The following GRM7 variants were observed in gnomAD, a reference collection of about 807,000 sequenced individuals.
GRM7 encodes metabotropic glutamate receptor 7.
A neutral mutation model predicts 84.5 loss-of-function variants in GRM7; 35 were observed. That is an observed-to-expected ratio of 0.41 (90% CI 0.32 to 0.55). The LOEUF is 0.55. Ranked by LOEUF, GRM7 falls within the 20% of genes least tolerant of loss-of-function variation. GRM7 has a pLI of 0.19. For missense variants in GRM7, 1,003 were observed against 1,194.6 expected, an observed-to-expected ratio of 0.84 and a Z score of 2.36; for synonymous variants, 487 against 455.1, an observed-to-expected ratio of 1.07 and a Z score of -0.89.
chr3:7,034,387 G>T (rs1454119038), intron 1 of GRM7, among the ~76,000 whole-genome samples: 3 of 151,744 alleles, frequency 2.0e-5, no homozygotes, highest in Non-Finnish European at 4.4e-5. Context: ...TGTAATACCT[G>T]GGCTACAGAT....
chr3:7,684,129 A>G (rs1700486372), intron 9 of GRM7, among the ~76,000 whole-genome samples: 1 of 152,268 alleles, frequency 6.6e-6, no homozygotes, highest in Admixed American at 6.5e-5. Flanking sequence ...ATTAATAAAA[A>G]CAGATATGAC....
At chr3:7,095,964 G>T (rs967278358) in intron 1 of GRM7, among the ~76,000 whole-genome samples, 1 of 152,188 alleles carries the variant, frequency 6.6e-6, no homozygotes, top group Non-Finnish European at 1.5e-5. Flanking sequence ...TATACATTGT[G>T]TGTATAGATA....
intron 1 of GRM7, among the ~76,000 whole-genome samples, chr3:6,919,076 A>C (rs1697033277): frequency 6.6e-6 from 1 of 152,260 alleles, no homozygotes; most frequent in African/African-American, 2.4e-5. Context: ...CACATCAGGC[A>C]GATCTTACTT....
At chr3:6,889,153 G>A (rs1574973359) in intron 1 of GRM7, among the ~76,000 whole-genome samples, 1 of 152,108 alleles carries the variant, frequency 6.6e-6, no homozygotes, top group Admixed American at 6.6e-5. Flanking sequence ...GGGTTTTCTA[G>A]ATATACAATC....
Position 7,568,214 on chromosome 3 carries a change from T to C in GRM7, c.1516-10208T>C, listed in dbSNP as rs572454176. Among the ~76,000 whole-genome samples the C allele has an allele frequency of 3.3e-5, 5 of 151,942 alleles. No homozygotes were observed. The South Asian group carries it at 1.0e-3, about 31-fold the overall frequency. On this transcript the variant is annotated intron_variant, in intron 7 of 9. Transcript: ENST00000357716. Reference sequence around the variant, plus strand: ...GCCTGGCAGGCCCCAGAAGGGTCCTTGTGTACTCTCAATAGTGCATCACAA... The same window carrying C: ...GCCTGGCAGGCCCCAGAAGGGTCCTCGTGTACTCTCAATAGTGCATCACAA...
intron 1 of GRM7, among the ~76,000 whole-genome samples, chr3:6,892,025 C>T (rs758517814): frequency 2.6e-5 from 4 of 152,140 alleles, no homozygotes; most frequent in South Asian, 2.1e-4. Flanking sequence ...TTGGTTGCAT[C>T]GGCTCCTGAG....
At chr3:6,929,496 T>C (rs1028624443) in intron 1 of GRM7, among the ~76,000 whole-genome samples, 1 of 152,234 alleles carries the variant, frequency 6.6e-6, no homozygotes, top group Admixed American at 6.5e-5. Flanking sequence ...GACTGCCTGC[T>C]GTATATCACA....
At chr3:6,979,082 C>G (rs1049580832) in intron 1 of GRM7, among the ~76,000 whole-genome samples, 3 of 152,022 alleles carry the variant, frequency 2.0e-5, no homozygotes, top group African/African-American at 4.8e-5. Flanking sequence ...CTTGAAAAAC[C>G]TCTTTCATTG....
At chr3:6,978,109 G>A (rs1374253235) in intron 1 of GRM7, among the ~76,000 whole-genome samples, 1 of 152,136 alleles carries the variant, frequency 6.6e-6, no homozygotes, top group Admixed American at 6.5e-5. Context: ...GAACATCATA[G>A]TTTATATGGA....
intron 7 of GRM7, among the ~76,000 whole-genome samples, chr3:7,502,817 G>A (rs190466527): frequency 1.3e-5 from 2 of 152,278 alleles, no homozygotes; most frequent in Admixed American, 6.5e-5. Context: ...TGTAGTTTAT[G>A]TTGTTGCTGT....
At chr3:7,485,414 G>A (rs1699284069) in intron 7 of GRM7, among the ~76,000 whole-genome samples, 2 of 152,194 alleles carry the variant, frequency 1.3e-5, no homozygotes, top group South Asian at 4.1e-4. Flanking sequence ...TCAAGTTGGA[G>A]AAGTATGCAG....
At chr3:7,313,187 C>G (rs185560577) in intron 4 of GRM7, among the ~76,000 whole-genome samples, 13 of 152,240 alleles carry the variant, frequency 8.5e-5, no homozygotes, top group South Asian at 2.1e-4. Flanking sequence ...CCTCAGCCCC[C>G]CAAAGTGCTG....
intron 2 of GRM7, among the ~76,000 whole-genome samples, chr3:7,276,919 T>G (rs1401752405): frequency 6.6e-6 from 1 of 152,022 alleles, no homozygotes; most frequent in Non-Finnish European, 1.5e-5. Context: ...AGTTGATTTG[T>G]TGTGAAAGTC....
intron 1 of GRM7, among the ~76,000 whole-genome samples, chr3:7,120,467 A>G (rs1265949627): frequency 6.6e-6 from 1 of 152,164 alleles, no homozygotes; most frequent in East Asian, 1.9e-4. Flanking sequence ...TATAGAAATG[A>G]TAATCCCCTT....
chr3:7,712,617 G>T (rs776432492), intron 9 of GRM7, among the ~76,000 whole-genome samples: 4 of 149,802 alleles, frequency 2.7e-5, no homozygotes, highest in East Asian at 4.1e-4. Context: ...ATTTGGTTTT[G>T]ATTTTTATTT....
At chr3:7,529,425 T>C (rs192019706) in intron 7 of GRM7, among the ~76,000 whole-genome samples, 141 of 152,016 alleles carry the variant, frequency 9.3e-4, no homozygotes, top group Non-Finnish European at 1.8e-3. Flanking sequence ...GTTTTGGGAT[T>C]TGGCATAGCA....
chr3:7,085,925 T>C (rs1376771886), intron 1 of GRM7, among the ~76,000 whole-genome samples: 3 of 151,670 alleles, frequency 2.0e-5, no homozygotes, highest in African/African-American at 7.3e-5. Flanking sequence ...AAACAATTGG[T>C]GATGTATAGT....
chr3:7,441,116 G>C (rs751357461), intron 5 of GRM7, among the ~76,000 whole-genome samples: 2 of 152,180 alleles, frequency 1.3e-5, no homozygotes, highest in Admixed American at 1.3e-4. Context: ...CCCACCAGCA[G>C]TGTATAAGCA....
intron 8 of GRM7, among the ~76,000 whole-genome samples, chr3:7,612,888 C>G (rs1057338805): frequency 6.6e-6 from 1 of 152,178 alleles, no homozygotes; most frequent in Non-Finnish European, 1.5e-5. Context: ...CATTGCTTAT[C>G]TTTAAAGAAG....
Sources: gnomAD v4.1 joint callset for allele counts (sites outside exome capture counted in the v4.1 genomes callset) on GRCh38, gnomAD v4.1.1 for gene constraint, MANE v1.5 for transcripts, NCBI Gene and HGNC (gene_info 2026-07-23, HGNC 2026-07-21) for gene names.